The following ZNF385D variants were observed in gnomAD, a reference collection of about 807,000 sequenced individuals.
The protein encoded by ZNF385D is zinc finger protein 659.
In ZNF385D, 15 loss-of-function variants were observed where a neutral mutation model predicts 35.8. The ratio of observed to expected loss-of-function variants is 0.42; its 90% CI spans 0.28 to 0.64. The LOEUF is 0.64. Among genes scored for constraint, ZNF385D ranks in the 30% least tolerant of loss-of-function variants. The pLI, the probability that ZNF385D is intolerant of heterozygous loss-of-function variation, is 0.23. For synonymous variants in ZNF385D, 212 were observed against 186.8 expected, an observed-to-expected ratio of 1.13 and a Z score of -1.10; for missense variants, 474 against 494.6, an observed-to-expected ratio of 0.96 and a Z score of 0.39.
In ZNF385D at chr3:21,750,871, T is replaced by C. The variant is rs7636784; in HGVS notation, c.22+24A>G. ...ATGAAGAGCCGGACACCCCCAGAAT[T>C]ACATCATCAGAGTGAACACTCACCA... On this transcript the variant is annotated intron_variant, in intron 1 of 7. Coordinates refer to ENST00000281523, the MANE Select transcript of ZNF385D (RefSeq NM_024697.3). The C allele has an allele frequency of 8.5e-3, 13,760 of 1,613,934 alleles. 989 individuals carry two copies. The African/African-American group carries it at 0.16, about 18-fold the overall frequency.
intron 2 of ZNF385D, among the ~76,000 whole-genome samples, chr3:22,279,229 C>A (rs1055685673): frequency 2.0e-5 from 3 of 151,718 alleles, no homozygotes; most frequent in Non-Finnish European, 4.4e-5. Context: ...TGCACTATAC[C>A]CAATGTGTAG....
At chr3:21,988,315 C>A (rs1181602899) in intron 3 of ZNF385D, among the ~76,000 whole-genome samples, 1 of 116,080 alleles carries the variant, frequency 8.6e-6, no homozygotes, top group Non-Finnish European at 1.9e-5. Flanking sequence ...TACTTTTGGT[C>A]TTTGATGATG....
intron 2 of ZNF385D, among the ~76,000 whole-genome samples, chr3:22,181,666 C>CCG (rs1695282855): frequency 6.7e-6 from 1 of 148,482 alleles, no homozygotes; most frequent in African/African-American, 2.5e-5. Flanking sequence ...CCACTGCACT[C>CCG]CGGCCTGGGC....
chr3:21,559,776 C>G (rs1004605201), intron 3 of ZNF385D, among the ~76,000 whole-genome samples: 1 of 152,210 alleles, frequency 6.6e-6, no homozygotes, highest in Non-Finnish European at 1.5e-5. Flanking sequence ...GTTCCATTCT[C>G]CCTGTCACTT....
chr3:21,762,292 G>C (rs970463233), intron 3 of ZNF385D, among the ~76,000 whole-genome samples: 1 of 151,910 alleles, frequency 6.6e-6, no homozygotes, highest in Non-Finnish European at 1.5e-5. Flanking sequence ...CCTTCTCTTT[G>C]CTTCATAATC....
chr3:21,908,170 C>A (rs866158256), intron 3 of ZNF385D, among the ~76,000 whole-genome samples: 6 of 141,452 alleles, frequency 4.2e-5, no homozygotes, highest in South Asian at 2.3e-4. Flanking sequence ...ATCTATCTAT[C>A]TATATATGTA....
At chr3:21,610,330 A>T (rs1446575350) in intron 2 of ZNF385D, among the ~76,000 whole-genome samples, 4 of 152,222 alleles carry the variant, frequency 2.6e-5, no homozygotes, top group Non-Finnish European at 5.9e-5. Context: ...AGAGCAAGAT[A>T]ATGATACTAA....
intron 3 of ZNF385D, among the ~76,000 whole-genome samples, chr3:22,069,397 G>A (rs1700121468): frequency 6.6e-6 from 1 of 152,198 alleles, no homozygotes; most frequent in Admixed American, 6.5e-5. Flanking sequence ...ACTACAACTA[G>A]TGTTGGCCTC....
At chr3:21,948,154 C>A (rs1001782177) in intron 3 of ZNF385D, among the ~76,000 whole-genome samples, 2 of 151,992 alleles carry the variant, frequency 1.3e-5, no homozygotes, top group African/African-American at 4.8e-5. Flanking sequence ...ACAGTTCAAT[C>A]CACCATCAAA....
In ZNF385D at chr3:21,800,101, T is replaced by C. The variant is rs574126477; in HGVS notation, c.326-135073A>G. Among the ~76,000 whole-genome samples the C allele has an allele frequency of 2.6e-5, 4 of 152,346 alleles. No homozygotes were observed. The South Asian group carries it at 8.3e-4, about 32-fold the overall frequency. Reference sequence around the variant, plus strand: ...CTATCACTTCTAATCTAATTATCTCTATGCCTAGCCTATGGCAGTACCATA... The same window carrying C: ...CTATCACTTCTAATCTAATTATCTCCATGCCTAGCCTATGGCAGTACCATA... On this transcript the variant is annotated intron_variant, in intron 3 of 5. Transcript: ENST00000494108.
chr3:21,997,508 A>G (rs893788017), intron 3 of ZNF385D, among the ~76,000 whole-genome samples: 6 of 152,294 alleles, frequency 3.9e-5, no homozygotes, highest in African/African-American at 1.4e-4. Context: ...TAATAATAAA[A>G]AAATGTGATT....
At chr3:22,158,098 T>A (rs1006935030) in intron 3 of ZNF385D, among the ~76,000 whole-genome samples, 5 of 152,154 alleles carry the variant, frequency 3.3e-5, no homozygotes, top group Non-Finnish European at 7.4e-5. Context: ...GTCTGTTCCC[T>A]CTATCCTCTC....
At chr3:21,770,964 T>C (rs2071049162) in intron 3 of ZNF385D, among the ~76,000 whole-genome samples, 1 of 151,968 alleles carries the variant, frequency 6.6e-6, no homozygotes. Context: ...CTGGAAACCA[T>C]CATTCTCAGC....
At chr3:22,172,718 GC>G (rs1254606309) in intron 2 of ZNF385D, among the ~76,000 whole-genome samples, 1 of 152,098 alleles carries the variant, frequency 6.6e-6, no homozygotes, top group African/African-American at 2.4e-5. Context: ...AATAATCAAA[GC>G]AACATATTAT....
At chr3:21,906,954 T>C (rs181542104) in intron 3 of ZNF385D, among the ~76,000 whole-genome samples, 1 of 152,282 alleles carries the variant, frequency 6.6e-6, no homozygotes, top group East Asian at 1.9e-4. Context: ...TTCCCACTAC[T>C]CAAGAGCTAG....
intron 3 of ZNF385D, among the ~76,000 whole-genome samples, chr3:22,007,950 T>G (rs1696321753): frequency 6.6e-6 from 1 of 152,032 alleles, no homozygotes; most frequent in South Asian, 2.1e-4. Flanking sequence ...TGTTCATGCT[T>G]TCTCATACCT....
At chr3:21,555,508 C>T (rs982505864) in intron 3 of ZNF385D, among the ~76,000 whole-genome samples, 3 of 151,982 alleles carry the variant, frequency 2.0e-5, no homozygotes, top group African/African-American at 7.2e-5. Context: ...ATGATGGTTT[C>T]CAGCTTCATC....
At chr3:22,065,901 G>A (rs768327765) in intron 3 of ZNF385D, among the ~76,000 whole-genome samples, 3 of 152,066 alleles carry the variant, frequency 2.0e-5, no homozygotes, top group Non-Finnish European at 4.4e-5. Flanking sequence ...AAGACATCAC[G>A]GATCACAGCC....
At chr3:22,167,768 C>G (rs1307161545) in intron 3 of ZNF385D, among the ~76,000 whole-genome samples, 1 of 152,178 alleles carries the variant, frequency 6.6e-6, no homozygotes, top group Non-Finnish European at 1.5e-5. Flanking sequence ...TAATAGTTCT[C>G]AATTACTTTC....
Sources: allele counts gnomAD v4.1 joint callset (sites outside exome capture counted in the v4.1 genomes callset), GRCh38; gene constraint gnomAD v4.1.1; transcripts MANE v1.5; gene names NCBI Gene and HGNC (gene_info 2026-07-23, HGNC 2026-07-21).